ALDH1L1: variants seen among roughly 807,000 people sequenced by gnomAD.
ALDH1L1 encodes cytosolic 10-formyltetrahydrofolate dehydrogenase.
In ALDH1L1, 68 loss-of-function variants were observed where a neutral mutation model predicts 101.1. That is an observed-to-expected ratio of 0.67 (90% CI 0.55 to 0.82). The LOEUF (loss-of-function observed/expected upper bound fraction) is 0.82. Ranked by LOEUF, ALDH1L1 falls within the 40% of genes least tolerant of loss-of-function variation. ALDH1L1 has a pLI of 0.00. For synonymous variants in ALDH1L1, 486 were observed against 470.8 expected, an observed-to-expected ratio of 1.03 and a Z score of -0.42; for missense variants, 1,087 against 1,172.7, an observed-to-expected ratio of 0.93 and a Z score of 1.07.
chr3:126,122,571 C>A (rs1214286222), intron 16 of ALDH1L1, among the ~76,000 whole-genome samples: 1 of 152,112 alleles, frequency 6.6e-6, no homozygotes, highest in Non-Finnish European at 1.5e-5. Context: ...CTTTTCTCAA[C>A]TTCTTTAGTA....
intron 1 of ALDH1L1, among the ~76,000 whole-genome samples, chr3:126,172,397 A>G (rs551958139): frequency 6.6e-6 from 1 of 152,326 alleles, no homozygotes; most frequent in African/African-American, 2.4e-5. Context: ...AAAAAATCAA[A>G]AAAAGTCTAG....
intron 12 of ALDH1L1, chr3:126,135,291 G>T: frequency 2.6e-6 from 1 of 390,980 alleles, no homozygotes; most frequent in Non-Finnish European, 4.5e-6. Context: ...ACCTCCACCA[G>T]GCACCTCCCC....
intron 21 of ALDH1L1, 71 bp from the exon 22 acceptor site, chr3:126,105,996 G>T (rs1447143801): frequency 5.7e-5 from 83 of 1,465,942 alleles, no homozygotes; most frequent in Non-Finnish European, 7.2e-5. Flanking sequence ...CCACACCCCG[G>T]CCCACTCCAC....
chr3:126,135,057 T>C (rs1226810784), intron 12 of ALDH1L1: 3 of 123,564 alleles, frequency 2.4e-5, no homozygotes, highest in Non-Finnish European at 4.7e-5. Context: ...CTGGCTTAAA[T>C]TTTTTTTTTT....
chr3:126,123,718 T>C (rs1360063706), intron 16 of ALDH1L1, among the ~76,000 whole-genome samples: 3 of 149,896 alleles, frequency 2.0e-5, no homozygotes, highest in Non-Finnish European at 4.4e-5. Flanking sequence ...AAAATAGCCA[T>C]GGAAAAGGTA....
At chr3:126,137,693 G>T in intron 10 of ALDH1L1, 120 bp downstream of exon 10, 1 of 1,386,468 alleles carries the variant, frequency 7.2e-7, no homozygotes, top group South Asian at 1.4e-5. Flanking sequence ...AAACTGAAGG[G>T]TGGGCTCCTG....
At chr3:126,152,189 AG>A (rs1368123998) in intron 7 of ALDH1L1, 1 of 152,288 alleles carries the variant, frequency 6.6e-6, no homozygotes, top group Non-Finnish European at 1.5e-5. Context: ...CTGAAACCAA[AG>A]GCTGACAGAG....
chr3:126,170,924 G>A (rs2081261185), intron 1 of ALDH1L1, among the ~76,000 whole-genome samples: 1 of 152,150 alleles, frequency 6.6e-6, no homozygotes, highest in African/African-American at 2.4e-5. Context: ...CATACGATGG[G>A]CCCCAGTAAA....
intron 1 of ALDH1L1, among the ~76,000 whole-genome samples, chr3:126,195,096 G>T (rs531785187): frequency 6.6e-6 from 1 of 151,680 alleles, no homozygotes; most frequent in South Asian, 2.1e-4. Context: ...AAGATGCATG[G>T]CTAATTCCAC....
At chr3:126,178,904 A>C (rs138017079) in intron 1 of ALDH1L1, among the ~76,000 whole-genome samples, 4 of 151,890 alleles carry the variant, frequency 2.6e-5, no homozygotes. Context: ...TTCTTAACTG[A>C]ATGTTCTTTT....
At chr3:126,174,514 C>T (rs914609828) in intron 1 of ALDH1L1, among the ~76,000 whole-genome samples, 4 of 152,154 alleles carry the variant, frequency 2.6e-5, no homozygotes, top group Non-Finnish European at 4.4e-5. Context: ...TGCCATAAAA[C>T]ATACAACAAC....
intron 12 of ALDH1L1, among the ~76,000 whole-genome samples, chr3:126,134,452 T>C (rs1423111143): frequency 6.6e-6 from 1 of 152,190 alleles, no homozygotes; most frequent in East Asian, 1.9e-4. Context: ...TTCACAGCTC[T>C]TCCTGACCTC....
rs746393449 is a variant in ALDH1L1 at position 126,105,929 on chromosome 3, G to A, written c.2454-4C>T. ...AGACAGCACGGCATCCAAGTCCCTG[G>A]AGAGAAAGTCCAGGAAGAACTCCCT... On this transcript the variant is annotated splice_region_variant and splice_polypyrimidine_tract_variant and intron_variant, in intron 21 of 22. Coordinates refer to ENST00000393434, the MANE Select transcript of ALDH1L1 (RefSeq NM_012190.4). 3 of 1,611,396 alleles carry A rather than the reference G, an allele frequency of 1.9e-6. No homozygotes were observed. The South Asian group carries it at 3.3e-5, about 18-fold the overall frequency.
At chr3:126,114,529 C>T (rs769733530) in intron 18 of ALDH1L1, 28 bp downstream of exon 18, 2 of 1,479,718 alleles carry the variant, frequency 1.4e-6, no homozygotes, top group Non-Finnish European at 1.8e-6. Context: ...CGCTCACTGT[C>T]CCTGCCCCCT....
chr3:126,137,839 C>G lies in ALDH1L1; in HGVS notation c.1198G>C (p.Glu400Gln), dbSNP rs2080481010. 1.9e-6 allele frequency: 3 copies of G among 1,614,182 alleles called. No individual in the cohort carries two copies. Among genetic ancestry groups the G allele is most frequent in the Non-Finnish European group, 2.5e-6 (3 of 1,180,030 alleles). Residue 400 changes from glutamate (E) to glutamine (Q), a missense_variant, in exon 10 of 23, where the codon GAG (glutamate) becomes CAG (glutamine). Glu to Gln is a conservative substitution (Grantham distance 29, BLOSUM62 2). Around this residue, in one of 2 missense-constraint regions of ALDH1L1, gnomAD observed 645 missense variants for 637.0 expected, o/e 1.01. Transcript: ENST00000393434. ...TAGTCAATGCTGCACTCGCCCTCCT[C>G]ATCGTCCCCTCGCAGCTTCCTCACT... ...LLVRKLRGDD[E>Q]EGECSIDYVE...
chr3:126,166,064 A>T (rs1252945141), intron 1 of ALDH1L1, among the ~76,000 whole-genome samples: 1 of 151,602 alleles, frequency 6.6e-6, no homozygotes, highest in Non-Finnish European at 1.5e-5. Context: ...AGTGCTAGAA[A>T]CTTTCCTCTT....
chr3:126,159,645 T>A, intron 2 of ALDH1L1: 2 of 411,078 alleles, frequency 4.9e-6, no homozygotes, highest in Admixed American at 5.2e-5. Flanking sequence ...CAGTGACCAA[T>A]GAAATACTGC....
intron 16 of ALDH1L1, among the ~76,000 whole-genome samples, chr3:126,121,299 G>A (rs988070879): frequency 6.6e-6 from 1 of 152,154 alleles, no homozygotes; most frequent in African/African-American, 2.4e-5. Flanking sequence ...ATGCCACTCG[G>A]TTTGCAGTGC....
intron 9 of ALDH1L1, 77 bp from the exon 10 acceptor site, chr3:126,138,037 G>A (rs2080488484): frequency 6.4e-7 from 1 of 1,566,610 alleles, no homozygotes; most frequent in Non-Finnish European, 8.7e-7. Flanking sequence ...GTGGCAGTGG[G>A]GCCAAACACC....
Sources: allele counts gnomAD v4.1 joint callset (sites outside exome capture counted in the v4.1 genomes callset), GRCh38; gene constraint gnomAD v4.1.1; regional missense constraint gnomAD v4.1.1; transcripts MANE v1.5; gene names NCBI Gene and HGNC (gene_info 2026-07-23, HGNC 2026-07-21).